RRP1: variants seen among roughly 807,000 people sequenced by gnomAD.
RRP1 encodes ribosomal RNA processing 1.
A neutral mutation model predicts 54.6 loss-of-function variants in RRP1; 37 were observed. That is an observed-to-expected ratio of 0.68 (90% CI 0.52 to 0.89). The LOEUF (loss-of-function observed/expected upper bound fraction) is 0.89, where lower values mean the gene tolerates loss of function less well. Among genes scored for constraint, RRP1 ranks in the 40% least tolerant of loss-of-function variants. The probability of loss-of-function intolerance (pLI) is 0.00; values close to 1 mark genes in which losing one functional copy is unlikely to be tolerated. For synonymous variants in RRP1, 262 were observed against 244.3 expected (o/e 1.07, Z -0.67); for missense variants, 639 against 612.5 (o/e 1.04, Z -0.46).
intron 10 of RRP1, 96 bp downstream of exon 10, chr21:43,800,710 G>A (rs1312148353): frequency 1.1e-5 from 16 of 1,509,228 alleles, no homozygotes; most frequent in South Asian, 9.1e-5. Context: ...GGGCCCTTCC[G>A]CAGCCCCCGG....
At chr21:43,798,163 T>G in intron 8 of RRP1, 63 bp downstream of exon 8, 2 of 1,431,102 alleles carry the variant, frequency 1.4e-6, no homozygotes, top group Non-Finnish European at 1.9e-6. Flanking sequence ...CAGTGCGATC[T>G]CCTGCTGGGT....
rs142644786 is a variant in RRP1 at position 43,797,542 on chromosome 21, C to T, written c.543C>T (p.Gly181=). The change falls in exon 6 of 13, where the codon GGC becomes GGT. Residue 181 remains glycine (G), a synonymous_variant. Transcript: ENST00000497547. The part of the protein sequence containing the change: ...EIFLEELTKV[G]AEELTADQNL... Reference sequence around the variant, plus strand: ...TCCTGGAGGAGCTGACCAAAGTGGGCGCCGAGGAGGTGAGGCTGGGCTCCG... The same window carrying T: ...TCCTGGAGGAGCTGACCAAAGTGGGTGCCGAGGAGGTGAGGCTGGGCTCCG... 9.9e-4 allele frequency: 1,596 copies of T among 1,613,850 alleles called. 14 individuals carry two copies. In the Middle Eastern group the frequency reaches 0.032, roughly 32 times the overall value.
chr21:43,794,080 A>G (rs1471364136), intron 4 of RRP1, among the ~76,000 whole-genome samples: 3 of 152,156 alleles, frequency 2.0e-5, no homozygotes, highest in Non-Finnish European at 4.4e-5. Flanking sequence ...GAAAGGGGCC[A>G]TGTCCGGGTC....
rs558020296 is a variant in RRP1 at position 43,800,718 on chromosome 21, C to T, written c.989+104C>T. On this transcript the variant is annotated intron_variant, in intron 10 of 12. Coordinates refer to ENST00000497547, the MANE Select transcript of RRP1 (RefSeq NM_003683.6). Reference sequence around the variant, plus strand: ...TTGTCCTGGGCCCTTCCGCAGCCCCCGGGGTGATCCCCGCTAGGACCCTGA... The same window carrying T: ...TTGTCCTGGGCCCTTCCGCAGCCCCTGGGGTGATCCCCGCTAGGACCCTGA... 4.0e-5 allele frequency: 61 copies of T among 1,506,446 alleles called. No homozygotes were observed. In the Middle Eastern group the frequency reaches 8.7e-4, roughly 21 times the overall value. The allele number at this position is 1,506,446 out of a possible 1,614,324, so 93.3% of individuals were successfully genotyped here. A position where few individuals can be genotyped will look rare whatever the true frequency, so the allele number is the denominator to read the frequency against.
intron 4 of RRP1, 94 bp from the exon 5 acceptor site, chr21:43,795,095 C>CT: frequency 2.4e-6 from 3 of 1,239,958 alleles, no homozygotes; most frequent in Non-Finnish European, 3.6e-6. Context: ...ACGGCCATGA[C>CT]TTTATCCTGC....
At chr21:43,790,048 C>T (rs1419687409) in intron 1 of RRP1, among the ~76,000 whole-genome samples, 2 of 152,248 alleles carry the variant, frequency 1.3e-5, no homozygotes, top group South Asian at 2.1e-4. Context: ...AGACCATGTA[C>T]TCCTGCTGCC....
chr21:43,803,566 G>C lies in RRP1; in HGVS notation c.1178G>C (p.Arg393Thr), dbSNP rs754318876. The C allele has an allele frequency of 6.4e-7, 1 of 1,556,174 alleles. No individual in the cohort carries two copies. The highest frequency in any genetic ancestry group is 1.9e-5 in the Admixed American group (1 of 51,674). ...GGCATGGAGAGGAAGAGGAGCAGGA[G>C]GAGGGGTGTAGGGGCCGACCCCGAG... ...SPGMERKRSR[R>T]RGVGADPEAR... is the part of the protein sequence containing the mutation. Residue 393 changes from arginine to threonine, a missense_variant, in exon 13 of 13, where the codon AGG becomes ACG. Transcript: ENST00000497547.
intron 8 of RRP1, among the ~76,000 whole-genome samples, chr21:43,799,352 A>G (rs372799079): frequency 3.4e-5 from 4 of 118,576 alleles, no homozygotes; most frequent in African/African-American, 1.4e-4. Context: ...ATACGAGATT[A>G]GAGGTCACAT....
chr21:43,802,420 G>A (rs995192266), intron 12 of RRP1, 33 bp downstream of exon 12: 6 of 1,569,322 alleles, frequency 3.8e-6, no homozygotes, highest in African/African-American at 2.7e-5. Flanking sequence ...TCATGGAGCC[G>A]GCGTCCTCAC....
intron 4 of RRP1, among the ~76,000 whole-genome samples, chr21:43,793,743 C>G (rs563291211): frequency 1.3e-5 from 2 of 152,374 alleles, no homozygotes; most frequent in South Asian, 4.1e-4. Flanking sequence ...GGAGGCGCAG[C>G]AGAGGAGCTG....
In RRP1 at chr21:43,803,630, G is replaced by T; in HGVS notation, c.1242G>T (p.Glu414Asp). 6.4e-7 allele frequency: 1 copy of T among 1,551,038 alleles called. No homozygotes were observed. The highest frequency in any genetic ancestry group is 8.7e-7 in the Non-Finnish European group (1 of 1,147,770). Residue 414 changes from glutamate to aspartate, a missense_variant, in exon 13 of 13, where the codon GAG (glutamate) becomes GAT (aspartate). Transcript: ENST00000497547. ...AEAGEQPGTA[E>D]RALLRDQPRG... The stretch of plus-strand genomic sequence containing the variant: ...CTGGTGAGCAGCCAGGCACAGCTGA[G>T]CGGGCCCTGCTCCGAGATCAGCCCA...
At chr21:43,789,802 C>T (rs764821820) in intron 1 of RRP1, 40 bp downstream of exon 1, 402 of 1,476,962 alleles carry the variant, frequency 2.7e-4, no homozygotes, top group Non-Finnish European at 3.5e-4. Context: ...CGGGGGCCGG[C>T]TGGGCTGGTG....
At chr21:43,803,395 T>G in intron 12 of RRP1, 117 bp from the exon 13 acceptor site, 1 of 1,363,418 alleles carries the variant, frequency 7.3e-7, no homozygotes, top group Non-Finnish European at 9.8e-7. Flanking sequence ...TGGCTGGCTG[T>G]TGTGGCCGTG....
At position 43,798,048 on chromosome 21, in the gene RRP1, T is replaced by C. The variant is rs2838379; in HGVS notation, c.759T>C (p.Gly253=). Residue 253 remains glycine (G), a synonymous_variant, in exon 8 of 13, where the codon GGT becomes GGC. Coordinates refer to ENST00000497547, the MANE Select transcript of RRP1 (RefSeq NM_003683.6). Reference sequence around the variant, plus strand: ...CGGACAGTGATGAGTCCTCTGAGGGTGGTGAGCGTGGAGACGCGCTGTCCC... The same window carrying C: ...CGGACAGTGATGAGTCCTCTGAGGGCGGTGAGCGTGGAGACGCGCTGTCCC... ...VASDSDESSE[G]GERGDALSQK... is the part of the protein sequence containing the mutation. 432,209 of 1,613,474 alleles carry C rather than the reference T, an allele frequency of 0.27. 64,473 individuals are homozygous for C. Among genetic ancestry groups the C allele is most frequent in the African/African-American group, 0.57 (42,434 of 74,904 alleles).
intron 12 of RRP1, 83 bp downstream of exon 12, chr21:43,802,470 C>CT: frequency 3.7e-6 from 4 of 1,088,432 alleles, no homozygotes; most frequent in Non-Finnish European, 4.2e-6. Context: ...CCTGCAGTGT[C>CT]TCCCCCTGAA....
intron 8 of RRP1, among the ~76,000 whole-genome samples, chr21:43,798,566 C>T (rs990785058): frequency 2.0e-5 from 3 of 152,150 alleles, no homozygotes; most frequent in African/African-American, 4.8e-5. Flanking sequence ...GCCCGTCTCC[C>T]CAGAGGACAG....
At position 43,800,833 on chromosome 21, in the gene RRP1, G is replaced by T. The variant is rs769045299; in HGVS notation, c.990-29G>T. On this transcript the variant is annotated intron_variant, in intron 10 of 12. Coordinates refer to ENST00000497547, the MANE Select transcript of RRP1 (RefSeq NM_003683.6). ...TCCTCCTGCGGAAGCCGCAGCTGTG[G>T]TAAGTGGGTATCTGTCTTACTCTTT... 2.5e-5 allele frequency: 40 copies of T among 1,613,222 alleles called. 1 individual carries two copies. The Admixed American group carries it at 6.5e-4, about 26-fold the overall frequency.
chr21:43,800,973 C>T (rs1480696255), intron 11 of RRP1, 92 bp downstream of exon 11: 15 of 1,357,154 alleles, frequency 1.1e-5, no homozygotes, highest in East Asian at 4.6e-5. Context: ...TCTCATAGCA[C>T]GTGGAGTCTC....
chr21:43,798,021 G>A lies in RRP1; in HGVS notation c.732G>A (p.Ala244=), dbSNP rs766261431. 1.1e-5 allele frequency: 17 copies of A among 1,614,066 alleles called. No homozygotes were observed. The highest frequency in any genetic ancestry group is 1.6e-4 in the Middle Eastern group (1 of 6,084). ...NELDTQDEEV[A]SDSDESSEGG... ...TGGACACACAGGATGAGGAGGTGGC[G>A]TCGGACAGTGATGAGTCCTCTGAGG... The change falls in exon 8 of 13, where the codon GCG becomes GCA. Residue 244 remains alanine, a synonymous_variant. Coordinates refer to ENST00000497547, the MANE Select transcript of RRP1 (RefSeq NM_003683.6).
Sources: allele counts gnomAD v4.1 joint callset (sites outside exome capture counted in the v4.1 genomes callset), GRCh38; gene constraint gnomAD v4.1.1; transcripts MANE v1.5; gene names NCBI Gene and HGNC (gene_info 2026-07-23, HGNC 2026-07-21).